CHI3L2: variants seen among roughly 807,000 people sequenced by gnomAD.
CHI3L2 encodes chitinase-3-like protein 2.
In CHI3L2, 47 loss-of-function variants were observed where a neutral mutation model predicts 47.3. That is an observed-to-expected ratio of 0.99 (90% confidence interval 0.79 to 1.27). The LOEUF (loss-of-function observed/expected upper bound fraction) is 1.27, where lower values mean the gene tolerates loss of function less well. Among genes scored for constraint, CHI3L2 ranks in the 50% most tolerant of loss-of-function variants. The probability of loss-of-function intolerance (pLI) is 0.00; values close to 1 mark genes in which losing one functional copy is unlikely to be tolerated. For synonymous variants in CHI3L2, 198 were observed against 169.9 expected (o/e 1.17, Z -1.28); for missense variants, 497 against 462.1 (o/e 1.08, Z -0.69).
At chr1:111,242,126 T>C (rs1001150354) in intron 9 of CHI3L2, 101 bp from the exon 10 acceptor site, 117 of 1,460,806 alleles carry the variant, frequency 8.0e-5, no homozygotes, top group Admixed American at 1.0e-4. Flanking sequence ...GTTAGTCTAC[T>C]GCTGTATTTT....
intron 4 of CHI3L2, among the ~76,000 whole-genome samples, chr1:111,232,710 G>A: frequency 6.6e-6 from 1 of 152,192 alleles, no homozygotes; most frequent in East Asian, 1.9e-4. Context: ...CAGGTGCTGT[G>A]CAGAATAATT....
chr1:111,237,765 C>T (rs1486576721), intron 7 of CHI3L2, among the ~76,000 whole-genome samples: 1 of 152,142 alleles, frequency 6.6e-6, no homozygotes, highest in Non-Finnish European at 1.5e-5. Context: ...TCCTCTTGGC[C>T]AAGGGCATTC....
rs1346085687 is a variant in CHI3L2 at position 111,238,752 on chromosome 1, A to T, written c.738A>T (p.Glu246Asp). 2 of 1,613,610 alleles carry T rather than the reference A, an allele frequency of 1.2e-6. No homozygotes were observed. Among genetic ancestry groups the T allele is most frequent in the Non-Finnish European group, 1.7e-6 (2 of 1,179,758 alleles). Residue 246 changes from glutamate (E) to aspartate (D), a missense_variant and splice_region_variant, in exon 8 of 11, where the codon GAA (glutamate) becomes GAT (aspartate). By Grantham distance (45) the Glu-to-Asp change is conservative. Coordinates refer to ENST00000369748, the MANE Select transcript of CHI3L2 (RefSeq NM_004000.3). ...CTCCATCTCTCTTCCCATTCTAGGA[A>T]TATGCTGTGGGGTACTGGATACATA... ...DRGPSSYYNV[E>D]YAVGYWIHKG...
At chr1:111,227,931 C>T (rs2101541742) in intron 1 of CHI3L2, among the ~76,000 whole-genome samples, 162 bp downstream of exon 1, 1 of 152,328 alleles carries the variant, frequency 6.6e-6, no homozygotes, top group South Asian at 2.1e-4. Flanking sequence ...GGGGAACCAC[C>T]TGATCTTTCC....
At chr1:111,241,783 G>A (rs5003369) in intron 9 of CHI3L2, among the ~76,000 whole-genome samples, 37,950 of 152,102 alleles carry the variant, frequency 0.25, 5,598 homozygotes, top group Non-Finnish European at 0.34. Flanking sequence ...TAATTATCTC[G>A]GGACAAACTG....
At chr1:111,236,939 G>A (rs1659904338) in intron 7 of CHI3L2, among the ~76,000 whole-genome samples, 1 of 152,184 alleles carries the variant, frequency 6.6e-6, no homozygotes, top group Non-Finnish European at 1.5e-5. Context: ...GGTTCAAAGT[G>A]GGTTTTTCTC....
At chr1:111,234,272 G>A (rs903351847) in intron 4 of CHI3L2, among the ~76,000 whole-genome samples, 35 of 151,972 alleles carry the variant, frequency 2.3e-4, no homozygotes, top group African/African-American at 7.0e-4. Flanking sequence ...ATATTGAAAC[G>A]GGGAAAAAGA....
In CHI3L2 at chr1:111,230,865, G is replaced by C; in HGVS notation, c.194G>C (p.Ser65Thr). ...LCSHLIYSFASIENNKVIIKD... is the reference protein window; with the variant it reads ...LCSHLIYSFATIENNKVIIKD... Reference sequence around the variant, plus strand: ...TCTCATCTCATCTATTCATTCGCCAGCATCGAAAACAACAAGGTTATCATC... The same window carrying C: ...TCTCATCTCATCTATTCATTCGCCACCATCGAAAACAACAAGGTTATCATC... The change falls in exon 3 of 11, where the codon AGC becomes ACC. Residue 65 changes from serine (S) to threonine (T), a missense_variant. Ser to Thr is a moderately conservative substitution (Grantham distance 58). Transcript: ENST00000369748. 6.2e-7 allele frequency: 1 copy of C among 1,614,098 alleles called. No individual in the cohort carries two copies. Among genetic ancestry groups the C allele is most frequent in the Non-Finnish European group, 8.5e-7 (1 of 1,180,020 alleles).
In CHI3L2 at chr1:111,231,369, A is replaced by G. The variant is rs548743890; in HGVS notation, c.329+75A>G. On this transcript the variant is annotated intron_variant, in intron 4 of 10. Transcript: ENST00000369748. ...CATCATCATTTTTCCTCCTTCTAAG[A>G]AGAGATATTAAACTAGGCTTTAAGA... The G allele has an allele frequency of 7.5e-5, 87 of 1,159,366 alleles. 1 individual carries two copies. The Admixed American group carries it at 1.3e-3, about 17-fold the overall frequency. 71.8% of individuals were successfully genotyped at this position (1,159,366 alleles called of 1,614,324 possible).
At chr1:111,229,386 T>C (rs550617999) in intron 1 of CHI3L2, among the ~76,000 whole-genome samples, 1 of 152,252 alleles carries the variant, frequency 6.6e-6, no homozygotes, top group East Asian at 1.9e-4. Context: ...CTCAAGGTCC[T>C]ATAAAGAAAC....
chr1:111,231,574 G>C (rs1659723689), intron 4 of CHI3L2: 6 of 310,150 alleles, frequency 1.9e-5, no homozygotes, highest in South Asian at 1.6e-4. Context: ...TTATTTACAT[G>C]AATGTTTTTC....
At chr1:111,237,309 A>G (rs1417614270) in intron 7 of CHI3L2, among the ~76,000 whole-genome samples, 2 of 152,264 alleles carry the variant, frequency 1.3e-5, no homozygotes, top group Non-Finnish European at 1.5e-5. Context: ...GCTTACACCC[A>G]GGAATGAACA....
chr1:111,235,546 G>A (rs1659854760), intron 5 of CHI3L2, 93 bp from the exon 6 acceptor site: 14 of 1,390,658 alleles, frequency 1.0e-5, no homozygotes, highest in Middle Eastern at 2.6e-4. Context: ...TCCATCTAAT[G>A]TGGTTCTAGA....
At chr1:111,242,103 C>T (rs750152540) in intron 9 of CHI3L2, 124 bp from the exon 10 acceptor site, 37 of 1,257,738 alleles carry the variant, frequency 2.9e-5, no homozygotes, top group Non-Finnish European at 3.7e-5. Context: ...AAGTCTCTAA[C>T]TCCAGAAAAC....
intron 1 of CHI3L2, among the ~76,000 whole-genome samples, chr1:111,228,311 G>A (rs1416949405): frequency 1.3e-5 from 2 of 152,192 alleles, no homozygotes; most frequent in African/African-American, 4.8e-5. Context: ...TGAGTGAACG[G>A]GGGACGTTTA....
At chr1:111,234,188 T>TTA (rs1553175707) in intron 4 of CHI3L2, among the ~76,000 whole-genome samples, 7 of 77,922 alleles carry the variant, frequency 9.0e-5, no homozygotes, top group East Asian at 7.7e-4. Context: ...GAATGATCAA[T>TTA]AAAAAAAAAA....
chr1:111,236,035 T>C lies in CHI3L2; in HGVS notation c.617T>C (p.Phe206Ser), dbSNP rs758848257. 1.9e-5 allele frequency: 31 copies of C among 1,614,084 alleles called. No homozygotes were observed. The highest frequency in any genetic ancestry group is 2.5e-5 in the Non-Finnish European group (29 of 1,180,042). ...QVEKLAKDLD[F>S]INLLSFDFHG... ...TTTTGGCACTTTAGAGATCTGGATT[T>C]CATCAACCTCCTGTCCTTTGACTTC... is the stretch of plus-strand genomic sequence containing the variant. Residue 206 changes from phenylalanine (F) to serine (S), a missense_variant, in exon 7 of 11, where the codon TTC becomes TCC. Phe to Ser is a radical substitution (Grantham distance 155). Transcript: ENST00000369748.
At chr1:111,236,555 T>C (rs546991921) in intron 7 of CHI3L2, among the ~76,000 whole-genome samples, 1 of 152,282 alleles carries the variant, frequency 6.6e-6, no homozygotes. Flanking sequence ...GTAGGAAATG[T>C]TACTCCCACT....
intron 8 of CHI3L2, among the ~76,000 whole-genome samples, chr1:111,240,054 G>T (rs1043236224): frequency 1.2e-4 from 18 of 152,142 alleles, no homozygotes; most frequent in African/African-American, 4.3e-4. Flanking sequence ...TCAGAGATGG[G>T]TGACTGGGGA....
Sources: gnomAD v4.1 joint callset for allele counts (sites outside exome capture counted in the v4.1 genomes callset) on GRCh38, gnomAD v4.1.1 for gene constraint, MANE v1.5 for transcripts, NCBI Gene and HGNC (gene_info 2026-07-23, HGNC 2026-07-21) for gene names.